Variants in AFG1L observed in about 807,000 individuals in gnomAD.
The protein encoded by AFG1L is AFG1 like ATPase, also known as AFG1-like ATPase.
A neutral mutation model predicts 62.2 loss-of-function variants in AFG1L; 53 were observed. That is an observed-to-expected ratio of 0.85 (90% CI 0.68 to 1.07). The LOEUF (loss-of-function observed/expected upper bound fraction) is 1.07. AFG1L is among the 50% of genes least tolerant of loss of function. AFG1L has a pLI of 0.00. For missense variants in AFG1L, 555 were observed against 590.5 expected, an observed-to-expected ratio of 0.94 and a Z score of 0.62; for synonymous variants, 228 against 210.3, an observed-to-expected ratio of 1.08 and a Z score of -0.73.
At chr6:108,432,984 C>T (rs1021888907) in intron 7 of AFG1L, among the ~76,000 whole-genome samples, 8 of 152,130 alleles carry the variant, frequency 5.3e-5, no homozygotes, top group African/African-American at 1.4e-4. Context: ...AACTGGTTGT[C>T]GTGGTTACAA....
intron 7 of AFG1L, among the ~76,000 whole-genome samples, chr6:108,420,293 ATGTGG>A (rs1340782049): frequency 8.6e-5 from 13 of 151,986 alleles, no homozygotes; most frequent in Admixed American, 6.6e-4. Context: ...CACAAACTGT[ATGTGG>A]TAAAATATTT....
intron 6 of AFG1L, among the ~76,000 whole-genome samples, chr6:108,388,889 AGGTCTGCTT>A (rs1308167511): frequency 1.3e-5 from 2 of 152,208 alleles, no homozygotes; most frequent in African/African-American, 4.8e-5. Flanking sequence ...GATGTCTATT[AGGTCTGCTT>A]GGTGCAGAGC....
chr6:108,493,861 C>A (rs1040231386), intron 10 of AFG1L, among the ~76,000 whole-genome samples: 3 of 152,092 alleles, frequency 2.0e-5, no homozygotes, highest in African/African-American at 7.2e-5. Flanking sequence ...GTTTTTGAGA[C>A]ACAGTCTCAC....
chr6:108,387,278 G>T (rs148185583), intron 6 of AFG1L, among the ~76,000 whole-genome samples: 8 of 152,368 alleles, frequency 5.3e-5, no homozygotes, highest in African/African-American at 1.9e-4. Flanking sequence ...TCCCAGGGTG[G>T]CTTCCCAAGG....
chr6:108,404,685 CTATGT>C (rs1781773397), intron 7 of AFG1L, among the ~76,000 whole-genome samples: 1 of 151,768 alleles, frequency 6.6e-6, no homozygotes, highest in African/African-American at 2.4e-5. Context: ...TATTTGGAGG[CTATGT>C]TATAAGTTGC....
At chr6:108,399,189 T>G (rs865989066) in intron 6 of AFG1L, among the ~76,000 whole-genome samples, 32 of 126,226 alleles carry the variant, frequency 2.5e-4, no homozygotes, top group East Asian at 1.1e-3. Context: ...TTTTTTTTTT[T>G]TTTTTTTTTT....
At chr6:108,488,813 T>C (rs1439429451) in intron 10 of AFG1L, among the ~76,000 whole-genome samples, 3 of 151,952 alleles carry the variant, frequency 2.0e-5, no homozygotes, top group Non-Finnish European at 4.4e-5. Flanking sequence ...GATTGCGCCA[T>C]TGCACTCCAG....
At chr6:108,337,171 A>G (rs1484296509) in intron 2 of AFG1L, among the ~76,000 whole-genome samples, 4 of 152,210 alleles carry the variant, frequency 2.6e-5, no homozygotes, top group African/African-American at 7.2e-5. Context: ...GGAATGTAGC[A>G]CGATCTAACC....
At chr6:108,339,491 G>GTTTTTTTTT (rs1778599397) in intron 2 of AFG1L, among the ~76,000 whole-genome samples, 1 of 127,132 alleles carries the variant, frequency 7.9e-6, no homozygotes. Context: ...AGACAGTCTT[G>GTTTTTTTTT]CTCTGTTGCC....
intron 11 of AFG1L, among the ~76,000 whole-genome samples, chr6:108,517,247 A>G (rs1774934952): frequency 6.6e-6 from 1 of 152,226 alleles, no homozygotes; most frequent in South Asian, 2.1e-4. Flanking sequence ...ACCTGACTTC[A>G]AACTATACTA....
At chr6:108,417,003 T>G (rs1342337767) in intron 7 of AFG1L, among the ~76,000 whole-genome samples, 1 of 151,698 alleles carries the variant, frequency 6.6e-6, no homozygotes, top group Non-Finnish European at 1.5e-5. Context: ...TTTGGGAGAC[T>G]GAGGTTGGAG....
chr6:108,301,785 T>G (rs954974860), intron 1 of AFG1L, among the ~76,000 whole-genome samples: 1 of 152,154 alleles, frequency 6.6e-6, no homozygotes, highest in Non-Finnish European at 1.5e-5. Flanking sequence ...TGCTAGGTGA[T>G]TCCAATATGT....
chr6:108,432,616 G>C (rs752976751), intron 7 of AFG1L, among the ~76,000 whole-genome samples: 13 of 152,172 alleles, frequency 8.5e-5, no homozygotes, highest in Non-Finnish European at 1.5e-5. Flanking sequence ...GGTGGACATT[G>C]TAGTTGTCTA....
intron 7 of AFG1L, among the ~76,000 whole-genome samples, chr6:108,438,245 A>G (rs1478679070): frequency 6.6e-6 from 1 of 152,160 alleles, no homozygotes; most frequent in Non-Finnish European, 1.5e-5. Context: ...AACCATGGAA[A>G]TTCATTTTCT....
chr6:108,512,921 C>A (rs901048041), intron 11 of AFG1L, among the ~76,000 whole-genome samples: 3 of 152,094 alleles, frequency 2.0e-5, no homozygotes, highest in African/African-American at 7.2e-5. Context: ...AGGATATACC[C>A]ATGTAAATAA....
intron 7 of AFG1L, among the ~76,000 whole-genome samples, chr6:108,426,065 C>T (rs905536497): frequency 6.6e-6 from 1 of 152,112 alleles, no homozygotes; most frequent in African/African-American, 2.4e-5. Context: ...ATCCTGGATA[C>T]TAAAACTCTA....
In AFG1L at chr6:108,458,135, G is replaced by A. The variant is rs72938671; in HGVS notation, c.890+10839G>A. On this transcript the variant is annotated intron_variant, in intron 8 of 12. Coordinates refer to ENST00000368977, the MANE Select transcript of AFG1L (RefSeq NM_145315.5). Reference sequence around the variant, plus strand: ...TGTGCATTGGTGTGGTTTTCAGCATGTTTCTTTTGCCTGGATTTGGTTGTG... The same window carrying A: ...TGTGCATTGGTGTGGTTTTCAGCATATTTCTTTTGCCTGGATTTGGTTGTG... Among the ~76,000 whole-genome samples the A allele has an allele frequency of 8.2e-3, 1,248 of 152,230 alleles. 8 individuals carry two copies. Among genetic ancestry groups the A allele is most frequent in the Middle Eastern group, 0.017 (5 of 294 alleles).
chr6:108,312,153 T>G (rs762298606), intron 1 of AFG1L, among the ~76,000 whole-genome samples: 15 of 152,198 alleles, frequency 9.9e-5, no homozygotes, highest in Admixed American at 2.6e-4. Flanking sequence ...GCGTGAGCCA[T>G]CGTGCCCGGC....
chr6:108,491,608 C>G (rs1348823467), intron 10 of AFG1L, among the ~76,000 whole-genome samples: 1 of 152,066 alleles, frequency 6.6e-6, no homozygotes, highest in Non-Finnish European at 1.5e-5. Flanking sequence ...GTTATTCCGG[C>G]CTTTCATGGA....
Sources: allele counts gnomAD v4.1 joint callset (sites outside exome capture counted in the v4.1 genomes callset), GRCh38; gene constraint gnomAD v4.1.1; transcripts MANE v1.5; gene names NCBI Gene and HGNC (gene_info 2026-07-23, HGNC 2026-07-21).